The following LOXL2 variants were observed in gnomAD, a reference collection of about 807,000 sequenced individuals.
LOXL2 encodes lysyl oxidase like 2, also known as lysyl oxidase homolog 2.
In LOXL2, 70 loss-of-function variants were observed where a neutral mutation model predicts 93.0. The observed-to-expected ratio is 0.75, with a 90% CI of 0.62 to 0.92. LOXL2 has a LOEUF of 0.92. Ranked by LOEUF, LOXL2 falls within the 40% of genes least tolerant of loss-of-function variation. LOXL2 has a pLI of 0.00. For missense variants in LOXL2, 973 were observed against 1,054.9 expected (o/e 0.92, Z 1.08); for synonymous variants, 438 against 413.2 (o/e 1.06, Z -0.73).
chr8:23,330,537 C>T (rs574627263), intron 5 of LOXL2, among the ~76,000 whole-genome samples: 8 of 152,228 alleles, frequency 5.3e-5, no homozygotes, highest in African/African-American at 7.2e-5. Context: ...CAAATAACCT[C>T]GCCCCAGCCC....
At position 23,393,758 on chromosome 8, in the gene LOXL2, A is replaced by C. The variant is rs574451711; in HGVS notation, c.-84+10196T>G. Among the ~76,000 whole-genome samples the C allele has an allele frequency of 6.6e-5, 10 of 152,346 alleles. No homozygotes were observed. The East Asian group carries it at 1.7e-3, about 26-fold the overall frequency. ...AAAATGTTTTGAAGATGCTTTATGA[A>C]CCAGGGCAGCAGTGGTGAGGGTGAG... On this transcript the variant is annotated intron_variant, in intron 1 of 13. Transcript: ENST00000389131.
At chr8:23,308,705 G>A (rs1803270866) in intron 10 of LOXL2, among the ~76,000 whole-genome samples, 1 of 152,190 alleles carries the variant, frequency 6.6e-6, no homozygotes, top group Non-Finnish European at 1.5e-5. Flanking sequence ...GCTTGTGGTG[G>A]CTCTAGCCAG....
rs530967393 is a variant in LOXL2 at position 23,339,276 on chromosome 8, G to A, written c.743+1716C>T. Among the ~76,000 whole-genome samples, 9 of 152,296 alleles carry A rather than the reference G, an allele frequency of 5.9e-5. No individual in the cohort carries two copies. The East Asian group carries it at 1.7e-3, about 29-fold the overall frequency. ...CAGCTAGAAGGCTGCAGGAGGGGCTGGTTTCCAGCAGCTTCTGTTCTTCAT... is the reference window on the plus strand; with the variant it reads ...CAGCTAGAAGGCTGCAGGAGGGGCTAGTTTCCAGCAGCTTCTGTTCTTCAT... On this transcript the variant is annotated intron_variant, in intron 4 of 13. Coordinates refer to ENST00000389131, the MANE Select transcript of LOXL2 (RefSeq NM_002318.3).
intron 2 of LOXL2, chr8:23,363,032 A>T (rs1023557268): frequency 1.3e-5 from 2 of 152,180 alleles, no homozygotes; most frequent in Non-Finnish European, 2.9e-5. Flanking sequence ...AGGCAAAATA[A>T]TGATGCTGAG....
chr8:23,303,005 G>A (rs1318246352), intron 11 of LOXL2, among the ~76,000 whole-genome samples: 1 of 152,138 alleles, frequency 6.6e-6, no homozygotes, highest in Non-Finnish European at 1.5e-5. Flanking sequence ...AGCCCAGATG[G>A]AGCAGGGTCC....
At chr8:23,403,236 G>A (rs1800174787) in intron 1 of LOXL2, among the ~76,000 whole-genome samples, 1 of 152,180 alleles carries the variant, frequency 6.6e-6, no homozygotes, top group Admixed American at 6.5e-5. Flanking sequence ...GTTCGCTCGT[G>A]CCCGTTCTTT....
chr8:23,310,751 C>T (rs538123102), intron 9 of LOXL2, among the ~76,000 whole-genome samples: 3 of 152,260 alleles, frequency 2.0e-5, no homozygotes, highest in Non-Finnish European at 4.4e-5. Flanking sequence ...ACAGGACACA[C>T]TGCTGCCCCA....
intron 1 of LOXL2, among the ~76,000 whole-genome samples, chr8:23,388,161 G>C (rs1327959536): frequency 6.6e-6 from 1 of 152,178 alleles, no homozygotes; most frequent in Non-Finnish European, 1.5e-5. Context: ...GTGATACTAA[G>C]CTGCATAATG....
chr8:23,396,366 G>C (rs1800089611), intron 1 of LOXL2, among the ~76,000 whole-genome samples: 1 of 151,634 alleles, frequency 6.6e-6, no homozygotes, highest in African/African-American at 2.4e-5. Context: ...AAACGAGAGA[G>C]AGATCAGGTG....
chr8:23,346,095 A>T (rs1480631648), intron 3 of LOXL2, among the ~76,000 whole-genome samples: 101 of 82,136 alleles, frequency 1.2e-3, no homozygotes, highest in South Asian at 0.012. Flanking sequence ...ATAAAATAAA[A>T]TAAAATAAAA....
At chr8:23,388,649 AC>A (rs1340549369) in intron 1 of LOXL2, among the ~76,000 whole-genome samples, 1 of 117,486 alleles carries the variant, frequency 8.5e-6, no homozygotes, top group African/African-American at 2.7e-5. Context: ...ACACACACAC[AC>A]ACACACACAC....
chr8:23,368,360 T>G lies in LOXL2; in HGVS notation c.-9A>C. On this transcript the variant is annotated 5_prime_UTR_variant, in exon 2 of 14. Coordinates refer to ENST00000389131, the MANE Select transcript of LOXL2 (RefSeq NM_002318.3). ...CACAGAGGCCTCTCCATCCCTGTCT[T>G]CGGGCTGATGATCCCACGAAGGGGC... The G allele has an allele frequency of 6.2e-7, 1 of 1,608,474 alleles. No homozygotes were observed. Among genetic ancestry groups the G allele is most frequent in the Non-Finnish European group, 8.5e-7 (1 of 1,178,794 alleles).
At position 23,297,725 on chromosome 8, in the gene LOXL2, GAA is replaced by G; in HGVS notation, c.*316_*317del. 1 of 227,458 alleles carries G rather than the reference GAA, an allele frequency of 4.4e-6. No homozygotes were observed. The highest frequency in any genetic ancestry group is 8.4e-6 in the Non-Finnish European group (1 of 118,364). 14.1% of individuals were successfully genotyped at this position (227,458 alleles called of 1,614,324 possible). On this transcript the variant is annotated 3_prime_UTR_variant, in exon 14 of 14. Transcript: ENST00000389131. ...GTGTCTGTGGTGAGCTCGGTGGCTT[GAA>G]TGGGACAAGCTGATGACAACCTGTC... is the stretch of plus-strand genomic sequence containing the variant.
chr8:23,349,757 G>T (rs969659796), intron 3 of LOXL2, among the ~76,000 whole-genome samples: 2 of 151,930 alleles, frequency 1.3e-5, no homozygotes, highest in African/African-American at 4.8e-5. Flanking sequence ...TACCCACACA[G>T]TAAGAAATTA....
chr8:23,403,692 C>G (rs774457053), intron 1 of LOXL2, among the ~76,000 whole-genome samples: 3 of 151,924 alleles, frequency 2.0e-5, no homozygotes, highest in Non-Finnish European at 4.4e-5. Flanking sequence ...ATCCAGGGAC[C>G]CAGCGCCTCG....
At position 23,309,662 on chromosome 8, in the gene LOXL2, G is replaced by A; in HGVS notation, c.1880+6C>T. 1 of 1,441,462 alleles carries A rather than the reference G, an allele frequency of 6.9e-7. No homozygotes were observed. Among genetic ancestry groups the A allele is most frequent in the Middle Eastern group, 2.4e-4 (1 of 4,210 alleles). The allele number at this position is 1,441,462 out of a possible 1,614,324, so 89.3% of individuals were successfully genotyped here. ...CTTAGTGGGGAGGGTGGCCAGCCAG[G>A]CCTACCTGTGACAGTCGTGCCAGAT... On this transcript the variant is annotated splice_donor_region_variant and intron_variant, in intron 10 of 13. Transcript: ENST00000389131.
intron 2 of LOXL2, among the ~76,000 whole-genome samples, 180 bp downstream of exon 2, chr8:23,367,817 C>A (rs369372599): frequency 1.3e-5 from 2 of 152,188 alleles, no homozygotes; most frequent in Non-Finnish European, 2.9e-5. Context: ...GCCCCCCGAC[C>A]CCGCCTTCCT....
chr8:23,367,330 T>C (rs1289718796), intron 2 of LOXL2, among the ~76,000 whole-genome samples: 5 of 152,228 alleles, frequency 3.3e-5, no homozygotes, highest in African/African-American at 1.2e-4. Context: ...ATTACAGGTA[T>C]GAGCCACTGC....
chr8:23,342,072 G>A (rs1367455045), intron 3 of LOXL2, among the ~76,000 whole-genome samples: 2 of 152,188 alleles, frequency 1.3e-5, no homozygotes, highest in Admixed American at 6.5e-5. Flanking sequence ...AAGTGGAGGA[G>A]GGCTGGAGGG....
Sources: allele counts gnomAD v4.1 joint callset (sites outside exome capture counted in the v4.1 genomes callset), GRCh38; gene constraint gnomAD v4.1.1; transcripts MANE v1.5; gene names NCBI Gene and HGNC (gene_info 2026-07-23, HGNC 2026-07-21).